Variants in GALNT13 observed in about 807,000 individuals in gnomAD.
GALNT13 encodes the protein UDP-GalNAc:polypeptide N-acetylgalactosaminyltransferase 13.
Under a neutral mutation model 64.2 loss-of-function variants are expected in GALNT13, and 28 were observed. The observed-to-expected ratio is 0.44, with a 90% confidence interval of 0.32 to 0.60. GALNT13 has a LOEUF of 0.60. Among genes scored for constraint, GALNT13 ranks in the 20% least tolerant of loss-of-function variants. GALNT13 has a pLI of 0.05. For synonymous variants in GALNT13, 214 were observed against 224.6 expected, an observed-to-expected ratio of 0.95 and a Z score of 0.42; for missense variants, 577 against 669.8, an observed-to-expected ratio of 0.86 and a Z score of 1.53.
the GALNT13 span, among the ~76,000 whole-genome samples, chr2:153,664,850 C>T: frequency 0.094 from 14,294 of 152,172 alleles, 1,191 homozygotes; most frequent in East Asian, 0.27. Context: ...AGCCCACTTA[C>T]ACCCCTGCCA....
chr2:153,998,727 T>C (rs1695690240), intron 3 of GALNT13, among the ~76,000 whole-genome samples: 1 of 152,204 alleles, frequency 6.6e-6, no homozygotes, highest in African/African-American at 2.4e-5. Flanking sequence ...GCCTATGTCC[T>C]GAATGGTATT....
chr2:153,153,663 C>CTTTT, the GALNT13 span, among the ~76,000 whole-genome samples: 2 of 129,758 alleles, frequency 1.5e-5, no homozygotes, highest in South Asian at 2.5e-4. Context: ...TTCCCCATTG[C>CTTTT]TTTTTTTTTT....
chr2:154,274,464 G>T (rs547608389), intron 8 of GALNT13, among the ~76,000 whole-genome samples: 1 of 152,196 alleles, frequency 6.6e-6, no homozygotes, highest in South Asian at 2.1e-4. Context: ...ATCTCATCTT[G>T]AATTGTAGTT....
rs150235397 is a variant in GALNT13, at chr2:154,120,086, T to TG, written c.143-20251_143-20250insG. Among the ~76,000 whole-genome samples, 485 of 152,292 alleles carry TG rather than the reference T, an allele frequency of 3.2e-3. 11 individuals are homozygous for TG. The East Asian group carries it at 0.062, about 20-fold the overall frequency. On this transcript the variant is annotated intron_variant, in intron 3 of 12. Coordinates refer to ENST00000392825, the MANE Select transcript of GALNT13 (RefSeq NM_052917.4). ...AAGGTTTTTTGTTTGTTTGTTTGTT[T>TG]TTTTGTCAGGGATAGATCTTAACTA...
rs184652562 is a variant in GALNT13, at chr2:153,917,053, A to G, written c.-105+16046A>G. ...TACACCTCTGGGCCTCAGTTTATTC[A>G]GCTGACAAGTCACTTAGTTGATGAG... On this transcript the variant is annotated intron_variant, in intron 2 of 12. Coordinates refer to ENST00000392825, the MANE Select transcript of GALNT13 (RefSeq NM_052917.4). 2.0e-3 allele frequency among the ~76,000 whole-genome samples: 304 copies of G among 152,274 alleles called. 1 individual carries two copies. Among genetic ancestry groups the G allele is most frequent in the African/African-American group, 6.8e-3 (284 of 41,562 alleles).
intron 11 of GALNT13, chr2:154,436,507 G>A (rs1362716490): frequency 6.6e-6 from 1 of 152,148 alleles, no homozygotes; most frequent in Non-Finnish European, 1.5e-5. Context: ...ACTTTAAAAG[G>A]AAGCAATTCT....
chr2:154,262,016 C>T (rs939966124), intron 8 of GALNT13, among the ~76,000 whole-genome samples: 5 of 152,064 alleles, frequency 3.3e-5, no homozygotes, highest in African/African-American at 7.2e-5. Context: ...ATCACTTGAT[C>T]GCTGTACTTA....
chr2:154,409,426 C>T, intron 11 of GALNT13: 1 of 228,548 alleles, frequency 4.4e-6, no homozygotes, highest in Non-Finnish European at 8.6e-6. Context: ...GTGATGTTTT[C>T]CCAATGGTTA....
intron 1 of GALNT13, among the ~76,000 whole-genome samples, chr2:153,874,208 G>C (rs1211810378): frequency 6.7e-6 from 1 of 149,650 alleles, no homozygotes; most frequent in East Asian, 2.0e-4. Flanking sequence ...GAGAATTTGC[G>C]TAGCCTAAGG....
the GALNT13 span, among the ~76,000 whole-genome samples, chr2:153,121,862 G>A: frequency 6.6e-6 from 1 of 152,156 alleles, no homozygotes; most frequent in Non-Finnish European, 1.5e-5. Flanking sequence ...AGTAAAAAAA[G>A]TCCCTTATAA....
chr2:154,133,619 A>G (rs1002776420), intron 3 of GALNT13, among the ~76,000 whole-genome samples: 17 of 140,998 alleles, frequency 1.2e-4, no homozygotes, highest in Non-Finnish European at 2.6e-4. Flanking sequence ...AAAAACCTCT[A>G]TTCTAATTAC....
chr2:153,965,242 A>G (rs1044704628), intron 3 of GALNT13, among the ~76,000 whole-genome samples: 1 of 152,286 alleles, frequency 6.6e-6, no homozygotes, highest in East Asian at 1.9e-4. Flanking sequence ...TAAATATACA[A>G]TAAATTATTG....
the GALNT13 span, among the ~76,000 whole-genome samples, chr2:153,702,169 T>C: frequency 6.6e-6 from 1 of 152,334 alleles, no homozygotes; most frequent in Admixed American, 6.5e-5. Flanking sequence ...AATGAGATCA[T>C]GTTCTTTGCA....
chr2:154,241,946 T>C (rs1044925945), intron 4 of GALNT13, 84 bp from the exon 5 acceptor site: 3 of 750,862 alleles, frequency 4.0e-6, no homozygotes, highest in Non-Finnish European at 6.0e-6. Context: ...AAGTCTGAAG[T>C]TGTGTTATTA....
chr2:153,525,879 C>G, the GALNT13 span, among the ~76,000 whole-genome samples: 3 of 152,166 alleles, frequency 2.0e-5, no homozygotes, highest in African/African-American at 7.2e-5. Flanking sequence ...ACTGAGGAGC[C>G]CTTGGGCCTT....
chr2:153,584,871 C>T, the GALNT13 span, among the ~76,000 whole-genome samples: 1 of 152,148 alleles, frequency 6.6e-6, no homozygotes, highest in African/African-American at 2.4e-5. Flanking sequence ...TTCACTACTG[C>T]ATGTACTCAG....
intron 9 of GALNT13, among the ~76,000 whole-genome samples, chr2:154,302,649 T>A (rs1279978279): frequency 6.6e-6 from 1 of 152,020 alleles, no homozygotes; most frequent in African/African-American, 2.4e-5. Flanking sequence ...GATGGTTGGG[T>A]TATAGGTTGA....
At chr2:153,717,763 A>G in the GALNT13 span, among the ~76,000 whole-genome samples, 1 of 152,188 alleles carries the variant, frequency 6.6e-6, no homozygotes, top group Non-Finnish European at 1.5e-5. Context: ...TGTTAAACCA[A>G]TCTAACAGTA....
intron 11 of GALNT13, chr2:154,435,937 C>T (rs1252892944): frequency 6.6e-6 from 1 of 152,002 alleles, no homozygotes; most frequent in African/African-American, 2.4e-5. Flanking sequence ...TAATTGAGAT[C>T]AAACCTAATA....
Sources: gnomAD v4.1 joint callset for allele counts (sites outside exome capture counted in the v4.1 genomes callset) on GRCh38, gnomAD v4.1.1 for gene constraint, MANE v1.5 for transcripts, NCBI Gene and HGNC (gene_info 2026-07-23, HGNC 2026-07-21) for gene names.